The following DOCK1 variants were observed in gnomAD, a reference collection of about 807,000 sequenced individuals.
DOCK1 encodes dedicator of cytokinesis protein 1.
A neutral mutation model predicts 262.7 loss-of-function variants in DOCK1; 138 were observed. The observed-to-expected ratio is 0.53, with a 90% CI of 0.46 to 0.61. The LOEUF (loss-of-function observed/expected upper bound fraction) is 0.61. DOCK1 is among the 20% of genes least tolerant of loss of function. DOCK1 has a pLI of 0.00. For missense variants in DOCK1, 1,908 were observed against 2,370.7 expected, an observed-to-expected ratio of 0.80 and a Z score of 4.05; for synonymous variants, 866 against 867.4, an observed-to-expected ratio of 1.00 and a Z score of 0.03.
intron 27 of DOCK1, among the ~76,000 whole-genome samples, chr10:127,246,011 C>T (rs762019492): frequency 6.6e-6 from 1 of 152,170 alleles, no homozygotes; most frequent in Non-Finnish European, 1.5e-5. Context: ...GAGTCCGGGT[C>T]AGCGACTGCA....
At chr10:127,068,652 ACT>A (rs2046019056) in intron 23 of DOCK1, among the ~76,000 whole-genome samples, 2 of 152,192 alleles carry the variant, frequency 1.3e-5, no homozygotes, top group Admixed American at 6.5e-5. Context: ...CAGAGATTAC[ACT>A]GTTAGCATTT....
chr10:127,353,823 G>A (rs1417836569), intron 31 of DOCK1, among the ~76,000 whole-genome samples: 3 of 152,160 alleles, frequency 2.0e-5, no homozygotes, highest in African/African-American at 7.2e-5. Context: ...GGTGGCAGCT[G>A]GCCGCGGTTG....
At chr10:127,269,336 A>G (rs1168373627) in intron 29 of DOCK1, among the ~76,000 whole-genome samples, 1 of 152,178 alleles carries the variant, frequency 6.6e-6, no homozygotes, top group African/African-American at 2.4e-5. Flanking sequence ...GCCCACAGGT[A>G]AGGGTGTGAA....
intron 25 of DOCK1, among the ~76,000 whole-genome samples, chr10:127,119,378 G>T (rs76111911): frequency 0.014 from 2,141 of 152,272 alleles, 46 homozygotes; most frequent in African/African-American, 0.05. Flanking sequence ...GACTCCGATG[G>T]TGCGTAGAGG....
At chr10:127,216,080 T>A (rs866624030) in intron 27 of DOCK1, among the ~76,000 whole-genome samples, 28 of 152,156 alleles carry the variant, frequency 1.8e-4, no homozygotes, top group Middle Eastern at 6.8e-3. Flanking sequence ...GGGCCTTCAC[T>A]GAGTGTAATA....
rs562819972 is a variant in DOCK1 at position 127,047,311 on chromosome 10, C to T, written c.2201+4147C>T. Reference sequence around the variant, plus strand: ...TCATTTAAAAATAACACATGCTCAACGGATAAAAAATAGTAAAGAAATCTC... The same window carrying T: ...TCATTTAAAAATAACACATGCTCAATGGATAAAAAATAGTAAAGAAATCTC... On this transcript the variant is annotated intron_variant, in intron 21 of 51. Transcript: ENST00000623213. 1.6e-3 allele frequency among the ~76,000 whole-genome samples: 248 copies of T among 152,200 alleles called. 3 individuals carry two copies. Among genetic ancestry groups the T allele is most frequent in the African/African-American group, 5.5e-3 (227 of 41,530 alleles).
chr10:127,367,409 T>C (rs534232158), intron 33 of DOCK1, among the ~76,000 whole-genome samples: 118 of 152,270 alleles, frequency 7.7e-4, no homozygotes, highest in African/African-American at 2.7e-3. Context: ...TGGGGTGGCA[T>C]GGAGTTATCC....
chr10:127,057,724 A>T (rs1302028146), intron 22 of DOCK1, among the ~76,000 whole-genome samples: 3 of 152,176 alleles, frequency 2.0e-5, no homozygotes, highest in Admixed American at 6.5e-5. Context: ...AAATCTAGTT[A>T]TTGCCTGCCT....
chr10:127,408,977 A>T (rs2067684110), intron 40 of DOCK1, 60 bp from the exon 41 acceptor site: 1 of 1,520,342 alleles, frequency 6.6e-7, no homozygotes, highest in Non-Finnish European at 8.8e-7. Flanking sequence ...AGCATATTGC[A>T]TGTGAACTCT....
At chr10:127,227,118 C>T (rs116015160) in intron 27 of DOCK1, among the ~76,000 whole-genome samples, 641 of 152,306 alleles carry the variant, frequency 4.2e-3, no homozygotes, top group African/African-American at 0.015. Context: ...CAGTTCTCCA[C>T]GTGGCCACCC....
At chr10:127,031,779 T>G (rs767126767) in intron 17 of DOCK1, 26 bp downstream of exon 17, 2 of 1,592,782 alleles carry the variant, frequency 1.3e-6, no homozygotes, top group Non-Finnish European at 1.7e-6. Context: ...GGTGCAATAT[T>G]GCTGCTATAG....
At chr10:127,360,799 A>G (rs980021795) in intron 32 of DOCK1, among the ~76,000 whole-genome samples, 3 of 152,190 alleles carry the variant, frequency 2.0e-5, no homozygotes, top group African/African-American at 7.2e-5. Flanking sequence ...CTAAGCCTTC[A>G]TAATCTCAGA....
intron 29 of DOCK1, among the ~76,000 whole-genome samples, chr10:127,271,026 TAC>T (rs370701091): frequency 8.6e-5 from 13 of 151,680 alleles, no homozygotes; most frequent in African/African-American, 2.9e-4. Flanking sequence ...TATGTATATA[TAC>T]ACACACACAC....
intron 28 of DOCK1, among the ~76,000 whole-genome samples, chr10:127,250,308 G>A (rs888401878): frequency 6.6e-6 from 1 of 152,176 alleles, no homozygotes; most frequent in Admixed American, 6.5e-5. Flanking sequence ...AGTGAAAAGC[G>A]ATGATGCCGA....
chr10:127,285,954 C>G (rs2061137595), intron 29 of DOCK1, among the ~76,000 whole-genome samples: 1 of 152,150 alleles, frequency 6.6e-6, no homozygotes, highest in Non-Finnish European at 1.5e-5. Context: ...GGCTGGCTCC[C>G]CACTTTCAAA....
At chr10:127,279,462 A>G (rs12357609) in intron 29 of DOCK1, among the ~76,000 whole-genome samples, 8,885 of 152,340 alleles carry the variant, frequency 0.058, 331 homozygotes, top group Non-Finnish European at 0.086. Context: ...CGTGTTCTGT[A>G]TAGACAAAGG....
chr10:127,289,765 T>C (rs2061286401), intron 29 of DOCK1, among the ~76,000 whole-genome samples: 1 of 152,126 alleles, frequency 6.6e-6, no homozygotes, highest in African/African-American at 2.4e-5. Flanking sequence ...TCTCAGACAG[T>C]ATCTCCGTTA....
chr10:127,190,867 T>C (rs2056703798), intron 27 of DOCK1, among the ~76,000 whole-genome samples: 1 of 151,890 alleles, frequency 6.6e-6, no homozygotes, highest in Non-Finnish European at 1.5e-5. Context: ...CACATTCTCA[T>C]CTGTGACACC....
chr10:127,048,599 A>G lies in DOCK1; in HGVS notation c.2202-4082A>G, dbSNP rs553847635. Among the ~76,000 whole-genome samples, 12 of 152,324 alleles carry G rather than the reference A, an allele frequency of 7.9e-5. No homozygotes were observed. The South Asian group carries it at 2.5e-3, about 32-fold the overall frequency. ...CTTTGCCTAGCCAAAGGTCTTAACA[A>G]TGCCTGCACTGTCTAATGTCACAGC... On this transcript the variant is annotated intron_variant, in intron 21 of 51. Transcript: ENST00000623213.
Sources: gnomAD v4.1 joint callset for allele counts (sites outside exome capture counted in the v4.1 genomes callset) on GRCh38, gnomAD v4.1.1 for gene constraint, MANE v1.5 for transcripts, NCBI Gene and HGNC (gene_info 2026-07-23, HGNC 2026-07-21) for gene names.